FBXL20: variants seen among roughly 807,000 people sequenced by gnomAD.
FBXL20 encodes the protein F-box and leucine rich repeat protein 20, also known as F-box/LRR-repeat protein 20.
In FBXL20, 11 loss-of-function variants were observed where a neutral mutation model predicts 64.0. The ratio of observed to expected loss-of-function variants is 0.17; its 90% CI spans 0.11 to 0.28. The LOEUF (loss-of-function observed/expected upper bound fraction) is 0.28, where lower values mean the gene tolerates loss of function less well. Among genes scored for constraint, FBXL20 ranks in the 10% least tolerant of loss-of-function variants. The pLI, the probability that FBXL20 is intolerant of heterozygous loss-of-function variation, is 1.00. For synonymous variants in FBXL20, 184 were observed against 189.0 expected (o/e 0.97, Z 0.22); for missense variants, 303 against 526.2 (o/e 0.58, Z 4.15).
chr17:39,380,010 A>G (rs180978798), intron 1 of FBXL20, among the ~76,000 whole-genome samples: 175 of 152,144 alleles, frequency 1.2e-3, no homozygotes, highest in African/African-American at 4.0e-3. Flanking sequence ...ATATATATAT[A>G]TAAGTTCTAC....
intron 6 of FBXL20, among the ~76,000 whole-genome samples, chr17:39,289,188 A>G (rs561304390): frequency 5.3e-5 from 8 of 152,292 alleles, no homozygotes; most frequent in African/African-American, 1.2e-4. Flanking sequence ...ATCAGGTAGT[A>G]TAAGTCCCCA....
chr17:39,281,816 C>T (rs1362438603), intron 8 of FBXL20, among the ~76,000 whole-genome samples: 1 of 152,094 alleles, frequency 6.6e-6, no homozygotes, highest in East Asian at 1.9e-4. Context: ...CTTCTACACA[C>T]CCCTTATAAA....
chr17:39,329,205 C>T (rs555657637), intron 2 of FBXL20, among the ~76,000 whole-genome samples: 3 of 152,168 alleles, frequency 2.0e-5, no homozygotes, highest in South Asian at 4.1e-4. Flanking sequence ...GACAAACAGA[C>T]ATCCTATGCC....
At chr17:39,351,957 A>G (rs1364543470) in intron 1 of FBXL20, among the ~76,000 whole-genome samples, 1 of 152,254 alleles carries the variant, frequency 6.6e-6, no homozygotes, top group Non-Finnish European at 1.5e-5. Flanking sequence ...TACATAGCTG[A>G]GGAAACAACT....
intron 2 of FBXL20, among the ~76,000 whole-genome samples, chr17:39,338,245 CCTGTGCTCT>C (rs2144559723): frequency 6.6e-6 from 1 of 152,310 alleles, no homozygotes; most frequent in South Asian, 2.1e-4. Flanking sequence ...TACCCCCAAC[CCTGTGCTCT>C]CTGAAACATG....
intron 2 of FBXL20, among the ~76,000 whole-genome samples, chr17:39,333,512 C>A (rs2047485955): frequency 6.6e-6 from 1 of 152,224 alleles, no homozygotes; most frequent in Non-Finnish European, 1.5e-5. Context: ...CACCTCCCAG[C>A]CGCCTGCCTT....
intron 11 of FBXL20, among the ~76,000 whole-genome samples, chr17:39,270,236 T>C (rs2046831788): frequency 6.6e-6 from 1 of 152,134 alleles, no homozygotes; most frequent in Admixed American, 6.6e-5. Flanking sequence ...TATTAGCTTA[T>C]GAAATTGTGA....
At chr17:39,295,456 A>G (rs1009516411) in intron 6 of FBXL20, among the ~76,000 whole-genome samples, 4 of 151,980 alleles carry the variant, frequency 2.6e-5, no homozygotes, top group Admixed American at 1.3e-4. Flanking sequence ...GGGTTTCACC[A>G]TGTTGGCCAG....
intron 1 of FBXL20, among the ~76,000 whole-genome samples, chr17:39,363,883 CTTTTTTTTT>C (rs71147324): frequency 1.0e-4 from 5 of 48,670 alleles, no homozygotes; most frequent in African/African-American, 1.8e-4. Context: ...TGAATCATAT[CTTTTTTTTT>C]TTTTTTTTTT....
At chr17:39,265,280 T>A in intron 13 of FBXL20, 117 bp downstream of exon 13, 1 of 723,670 alleles carries the variant, frequency 1.4e-6, no homozygotes, top group South Asian at 1.9e-5. Context: ...GCTGGCAGTT[T>A]GAAGAAGCAT....
chr17:39,279,716 C>G (rs2046931370), intron 9 of FBXL20, among the ~76,000 whole-genome samples: 1 of 151,880 alleles, frequency 6.6e-6, no homozygotes, highest in African/African-American at 2.4e-5. Flanking sequence ...GCCAACATGG[C>G]AAAACCCCAT....
intron 14 of FBXL20, among the ~76,000 whole-genome samples, chr17:39,262,919 G>A (rs866764897): frequency 1.9e-4 from 29 of 151,746 alleles, no homozygotes; most frequent in African/African-American, 7.0e-4. Flanking sequence ...GGAGAATAGC[G>A]TGAACCTGGG....
At position 39,303,653 on chromosome 17, in the gene FBXL20, A is replaced by G; in HGVS notation, c.105-14T>C. On this transcript the variant is annotated splice_polypyrimidine_tract_variant and intron_variant, in intron 2 of 14. Coordinates refer to ENST00000264658, the MANE Select transcript of FBXL20 (RefSeq NM_032875.3). ...AAAGAAAATATCCTAAAAAGAAAAG[A>G]GAGAAAGACAAATTTTATTGTATGA... 1 of 1,601,590 alleles carries G rather than the reference A, an allele frequency of 6.2e-7. No individual in the cohort carries two copies. Among genetic ancestry groups the G allele is most frequent in the African/African-American group, 1.3e-5 (1 of 74,788 alleles).
intron 2 of FBXL20, among the ~76,000 whole-genome samples, chr17:39,315,675 T>A (rs1243353100): frequency 6.6e-6 from 1 of 151,414 alleles, no homozygotes; most frequent in Non-Finnish European, 1.5e-5. Context: ...CAAAGTAAGG[T>A]GAGAAGGGCA....
chr17:39,334,521 A>G (rs1289833435), intron 2 of FBXL20, among the ~76,000 whole-genome samples: 1 of 132,896 alleles, frequency 7.5e-6, no homozygotes, highest in South Asian at 2.1e-4. Flanking sequence ...CAGCTAATCC[A>G]TGCTTGCCAT....
At chr17:39,389,615 G>A (rs2048116519) in intron 1 of FBXL20, among the ~76,000 whole-genome samples, 1 of 151,990 alleles carries the variant, frequency 6.6e-6, no homozygotes. Flanking sequence ...TTAGGAGATC[G>A]AGACCATCCT....
chr17:39,290,993 G>C (rs1448976310), intron 6 of FBXL20, among the ~76,000 whole-genome samples: 2 of 146,968 alleles, frequency 1.4e-5, no homozygotes, highest in Non-Finnish European at 3.0e-5. Context: ...ACAGAGTGTC[G>C]CTCTGTCGCC....
intron 3 of FBXL20, 72 bp from the exon 4 acceptor site, chr17:39,301,147 C>T: frequency 7.2e-7 from 1 of 1,389,722 alleles, no homozygotes; most frequent in Non-Finnish European, 1.0e-6. Flanking sequence ...TATTCAAGTT[C>T]ACAATTCAAC....
intron 1 of FBXL20, among the ~76,000 whole-genome samples, chr17:39,400,952 A>C (rs899211932): frequency 6.6e-6 from 1 of 152,122 alleles, no homozygotes; most frequent in Non-Finnish European, 1.5e-5. Context: ...CCATCCCCTA[A>C]TTTCCTCCCT....
Sources: allele counts gnomAD v4.1 joint callset (sites outside exome capture counted in the v4.1 genomes callset), GRCh38; gene constraint gnomAD v4.1.1; transcripts MANE v1.5; gene names NCBI Gene and HGNC (gene_info 2026-07-23, HGNC 2026-07-21).